The following PTPRD variants were observed in gnomAD, a reference collection of about 807,000 sequenced individuals.
PTPRD encodes the protein receptor-type tyrosine-protein phosphatase delta.
A neutral mutation model predicts 214.5 loss-of-function variants in PTPRD; 34 were observed. The ratio of observed to expected loss-of-function variants is 0.16; its 90% CI spans 0.12 to 0.21. PTPRD has a LOEUF of 0.21. Among genes scored for constraint, PTPRD ranks in the 10% least tolerant of loss-of-function variants. The pLI, the probability that PTPRD is intolerant of heterozygous loss-of-function variation, is 1.00. For missense variants in PTPRD, 2,545 were observed against 2,398.7 expected, an observed-to-expected ratio of 1.06 and a Z score of -1.27; for synonymous variants, 1,128 against 845.7, an observed-to-expected ratio of 1.33 and a Z score of -5.79.
rs2099977827 is a variant in PTPRD, at chr9:9,256,637, T to C, written c.-202-73274A>G. Among the ~76,000 whole-genome samples the C allele has an allele frequency of 2.0e-5, 3 of 152,120 alleles. No individual in the cohort carries two copies. The South Asian group carries it at 6.2e-4, about 32-fold the overall frequency. On this transcript the variant is annotated intron_variant, in intron 9 of 45. Coordinates refer to ENST00000381196, the MANE Select transcript of PTPRD (RefSeq NM_002839.4). The stretch of plus-strand genomic sequence containing the variant: ...AGGATTCCTGTGTCCTAGCCTCGGT[T>C]CTTTCTATTATAAGACAGTACTTAT...
chr9:9,022,012 T>C (rs2099571587), intron 10 of PTPRD, among the ~76,000 whole-genome samples: 1 of 151,734 alleles, frequency 6.6e-6, no homozygotes, highest in Middle Eastern at 3.2e-3. Context: ...TTAAGACAAA[T>C]AGCTAATGCA....
chr9:8,407,760 A>G (rs2093141725), intron 35 of PTPRD, among the ~76,000 whole-genome samples: 1 of 152,218 alleles, frequency 6.6e-6, no homozygotes. Context: ...TACACGGATC[A>G]AACAAACATT....
chr9:10,321,135 C>T (rs1244431768), intron 3 of PTPRD, among the ~76,000 whole-genome samples: 1 of 151,948 alleles, frequency 6.6e-6, no homozygotes, highest in Non-Finnish European at 1.5e-5. Flanking sequence ...ACATACTTTA[C>T]ATTAATAATG....
At chr9:8,324,595 C>G (rs201438139) in intron 44 of PTPRD, among the ~76,000 whole-genome samples, 1 of 152,106 alleles carries the variant, frequency 6.6e-6, no homozygotes, top group South Asian at 2.1e-4. Context: ...GAATGATTTA[C>G]AATCCTTTGG....
chr9:9,306,499 G>A (rs916954722), intron 9 of PTPRD, among the ~76,000 whole-genome samples: 1 of 141,088 alleles, frequency 7.1e-6, no homozygotes, highest in African/African-American at 2.7e-5. Context: ...AGGAGGCAGA[G>A]GTTGCAGTGA....
chr9:8,627,058 C>T (rs1451510670), intron 14 of PTPRD, among the ~76,000 whole-genome samples: 1 of 151,750 alleles, frequency 6.6e-6, no homozygotes, highest in Non-Finnish European at 1.5e-5. Context: ...CTCTGTCTCA[C>T]AGACTCCTAA....
intron 11 of PTPRD, among the ~76,000 whole-genome samples, chr9:8,918,074 G>A (rs1246674392): frequency 1.3e-5 from 2 of 152,058 alleles, no homozygotes; most frequent in Admixed American, 1.3e-4. Context: ...GGAATACAGG[G>A]GAACCTCTAC....
chr9:9,369,807 C>T (rs570779561), intron 9 of PTPRD, among the ~76,000 whole-genome samples: 2 of 152,122 alleles, frequency 1.3e-5, no homozygotes, highest in Non-Finnish European at 2.9e-5. Context: ...AGGAAGGGAT[C>T]CAGTTTCAGC....
At chr9:10,435,418 C>A (rs963698341) in intron 2 of PTPRD, among the ~76,000 whole-genome samples, 1 of 151,768 alleles carries the variant, frequency 6.6e-6, no homozygotes, top group African/African-American at 2.4e-5. Flanking sequence ...AGAAAGAAAT[C>A]AAAAGACAGA....
intron 9 of PTPRD, among the ~76,000 whole-genome samples, chr9:9,348,409 A>T (rs2049766348): frequency 6.6e-6 from 1 of 152,158 alleles, no homozygotes; most frequent in South Asian, 2.1e-4. Flanking sequence ...GGAGACCATT[A>T]TCCAGTCACA....
intron 11 of PTPRD, among the ~76,000 whole-genome samples, chr9:8,770,002 C>G (rs1274144836): frequency 6.6e-6 from 1 of 152,126 alleles, no homozygotes. Context: ...AAGTACCGGT[C>G]AGGCACGGTG....
At chr9:10,452,726 T>C (rs2130896771) in intron 2 of PTPRD, among the ~76,000 whole-genome samples, 1 of 151,972 alleles carries the variant, frequency 6.6e-6, no homozygotes, top group African/African-American at 2.4e-5. Context: ...TTTTGGATTT[T>C]GCCTCATGTC....
intron 2 of PTPRD, among the ~76,000 whole-genome samples, chr9:10,601,014 T>A (rs1055014898): frequency 1.3e-5 from 2 of 151,804 alleles, no homozygotes; most frequent in Non-Finnish European, 2.9e-5. Context: ...ATTATAAAAT[T>A]CTACAGGGGA....
intron 2 of PTPRD, among the ~76,000 whole-genome samples, chr9:10,412,450 G>C (rs1048074291): frequency 1.3e-5 from 2 of 151,572 alleles, no homozygotes; most frequent in Non-Finnish European, 1.5e-5. Context: ...AAAAAGCTTA[G>C]GACCAGATGT....
intron 45 of PTPRD, among the ~76,000 whole-genome samples, chr9:8,318,745 A>T (rs562965303): frequency 6.6e-6 from 1 of 152,228 alleles, no homozygotes; most frequent in Non-Finnish European, 1.5e-5. Flanking sequence ...AGCAGTATGA[A>T]GCATGGCCTT....
intron 6 of PTPRD, among the ~76,000 whole-genome samples, chr9:9,762,639 A>G (rs1024501770): frequency 9.9e-5 from 15 of 152,202 alleles, no homozygotes; most frequent in African/African-American, 3.6e-4. Context: ...GCCTTATAAA[A>G]AGGATTGATT....
At chr9:10,550,751 G>A (rs895461564) in intron 2 of PTPRD, among the ~76,000 whole-genome samples, 1 of 152,180 alleles carries the variant, frequency 6.6e-6, no homozygotes, top group African/African-American at 2.4e-5. Context: ...CTGGAAAGAT[G>A]CAAAGAACTA....
rs73641893 is a variant in PTPRD, at chr9:10,243,121, T to A, written c.-545+97842A>T. 2.6e-3 allele frequency among the ~76,000 whole-genome samples: 401 copies of A among 152,168 alleles called. 5 individuals are homozygous for A. Among genetic ancestry groups the A allele is most frequent in the African/African-American group, 9.2e-3 (383 of 41,572 alleles). On this transcript the variant is annotated intron_variant, in intron 3 of 45. Coordinates refer to ENST00000381196, the MANE Select transcript of PTPRD (RefSeq NM_002839.4). Reference sequence around the variant, plus strand: ...CTTTATGGACAATTTAACTGATCCCTGTCAAAAATCCAAGGATATTCACTC... The same window carrying A: ...CTTTATGGACAATTTAACTGATCCCAGTCAAAAATCCAAGGATATTCACTC...
At chr9:8,686,466 C>T (rs1246689188) in intron 12 of PTPRD, among the ~76,000 whole-genome samples, 2 of 152,152 alleles carry the variant, frequency 1.3e-5, no homozygotes, top group Non-Finnish European at 2.9e-5. Context: ...CTAATTCTCA[C>T]CAGAAGTGAT....
Sources: allele counts gnomAD v4.1 joint callset (sites outside exome capture counted in the v4.1 genomes callset), GRCh38; gene constraint gnomAD v4.1.1; transcripts MANE v1.5; gene names NCBI Gene and HGNC (gene_info 2026-07-23, HGNC 2026-07-21).